KIAA1328: variants seen among roughly 807,000 people sequenced by gnomAD.
KIAA1328 encodes the protein protein hinderin.
In KIAA1328, 52 loss-of-function variants were observed where a neutral mutation model predicts 68.1. That is an observed-to-expected ratio of 0.76 (90% confidence interval 0.61 to 0.96). KIAA1328 has a LOEUF of 0.96. Ranked by LOEUF, KIAA1328 falls within the 40% of genes least tolerant of loss-of-function variation. KIAA1328 has a pLI of 0.00. For synonymous variants in KIAA1328, 232 were observed against 239.4 expected (o/e 0.97, Z 0.28); for missense variants, 641 against 677.6 (o/e 0.95, Z 0.60).
At chr18:36,852,749 G>A (rs1257441263) in intron 4 of KIAA1328, among the ~76,000 whole-genome samples, 1 of 152,024 alleles carries the variant, frequency 6.6e-6, no homozygotes, top group Non-Finnish European at 1.5e-5. Flanking sequence ...TAGTAATGAC[G>A]GTCTCAAGCA....
intron 7 of KIAA1328, among the ~76,000 whole-genome samples, chr18:37,102,133 G>A (rs2057637325): frequency 6.6e-6 from 1 of 152,070 alleles, no homozygotes; most frequent in Admixed American, 6.5e-5. Flanking sequence ...AAAACCAATA[G>A]CACATCATAA....
chr18:36,927,160 C>T (rs187696633), intron 5 of KIAA1328, among the ~76,000 whole-genome samples: 16 of 152,248 alleles, frequency 1.1e-4, no homozygotes, highest in Non-Finnish European at 1.9e-4. Context: ...GGACAAATAT[C>T]CAACCATATC....
At chr18:37,153,675 C>A (rs2154210412) in intron 7 of KIAA1328, among the ~76,000 whole-genome samples, 1 of 98,660 alleles carries the variant, frequency 1.0e-5, no homozygotes, top group South Asian at 3.6e-4. Flanking sequence ...CAGACCTTTT[C>A]AAAGAAATGG....
At chr18:37,171,955 A>G (rs2059508348) in intron 8 of KIAA1328, among the ~76,000 whole-genome samples, 1 of 152,170 alleles carries the variant, frequency 6.6e-6, no homozygotes, top group African/African-American at 2.4e-5. Flanking sequence ...CATAAAGAGT[A>G]TAGTTTTTGA....
chr18:36,957,846 T>C (rs1000631743), intron 5 of KIAA1328, among the ~76,000 whole-genome samples: 2 of 152,158 alleles, frequency 1.3e-5, no homozygotes, highest in African/African-American at 2.4e-5. Flanking sequence ...TTTTGAACTA[T>C]ATAATTAAAT....
intron 5 of KIAA1328, among the ~76,000 whole-genome samples, chr18:36,891,840 G>T (rs1290841619): frequency 6.6e-6 from 1 of 152,054 alleles, no homozygotes; most frequent in East Asian, 1.9e-4. Context: ...GGGATTGCTG[G>T]ATCAAATATT....
At position 37,224,592 on chromosome 18, in the gene KIAA1328, A is replaced by C; in HGVS notation, c.*2365A>C. On this transcript the variant is annotated 3_prime_UTR_variant, in exon 10 of 10. Coordinates refer to ENST00000280020, the MANE Select transcript of KIAA1328 (RefSeq NM_020776.3). ...CATGTTAACATTTTAATCTATTTAA[A>C]TTTACTTTGAAATATATACATACAT... 1 of 972,610 alleles carries C rather than the reference A, an allele frequency of 1.0e-6. No individual in the cohort carries two copies. The highest frequency in any genetic ancestry group is 1.2e-6 in the Non-Finnish European group (1 of 818,296). 60.2% of individuals were successfully genotyped at this position (972,610 alleles called of 1,614,324 possible).
chr18:37,103,279 A>G (rs933068580), intron 7 of KIAA1328, among the ~76,000 whole-genome samples: 1 of 152,212 alleles, frequency 6.6e-6, no homozygotes, highest in Non-Finnish European at 1.5e-5. Context: ...TAGTAACCAA[A>G]ACAGCATGGT....
At chr18:37,171,245 T>A (rs1346092659) in intron 8 of KIAA1328, among the ~76,000 whole-genome samples, 2 of 152,182 alleles carry the variant, frequency 1.3e-5, no homozygotes, top group East Asian at 3.8e-4. Context: ...AGATTCTTGC[T>A]CTGTTGCCCA....
intron 4 of KIAA1328, among the ~76,000 whole-genome samples, chr18:36,856,248 T>C (rs920254468): frequency 6.6e-6 from 1 of 152,124 alleles, no homozygotes; most frequent in African/African-American, 2.4e-5. Context: ...TTTTGGACAT[T>C]ATTTCTTCAG....
chr18:37,057,577 A>G (rs8082737), intron 6 of KIAA1328, among the ~76,000 whole-genome samples: 61,065 of 151,102 alleles, frequency 0.4, 14,161 homozygotes, highest in African/African-American at 0.64. Flanking sequence ...ACAGGTGCAC[A>G]CCACCACATC....
At chr18:36,972,356 GC>G (rs973115507) in intron 6 of KIAA1328, among the ~76,000 whole-genome samples, 51 of 152,114 alleles carry the variant, frequency 3.4e-4, no homozygotes, top group Non-Finnish European at 5.9e-5. Context: ...TTCTTTAGGT[GC>G]AGTGTTTTTT....
chr18:37,007,716 T>A (rs2053832921), intron 6 of KIAA1328, among the ~76,000 whole-genome samples: 1 of 152,134 alleles, frequency 6.6e-6, no homozygotes, highest in Admixed American at 6.6e-5. Context: ...CCAAAAGGCT[T>A]TTGGCTGCAA....
chr18:37,078,228 A>G (rs558307911), intron 7 of KIAA1328, among the ~76,000 whole-genome samples: 1 of 152,348 alleles, frequency 6.6e-6, no homozygotes, highest in African/African-American at 2.4e-5. Flanking sequence ...AGCAATGGGG[A>G]AAGGATTCCC....
At chr18:37,053,546 G>T (rs534663382) in intron 6 of KIAA1328, among the ~76,000 whole-genome samples, 1 of 152,110 alleles carries the variant, frequency 6.6e-6, no homozygotes, top group African/African-American at 2.4e-5. Flanking sequence ...AGAGTAAAAA[G>T]ACAGCCTTAA....
chr18:36,959,430 C>G lies in KIAA1328; in HGVS notation c.571C>G (p.Gln191Glu), dbSNP rs770162685. 2 of 1,608,540 alleles carry G rather than the reference C, an allele frequency of 1.2e-6. No individual in the cohort carries two copies. The highest frequency in any genetic ancestry group is 2.2e-5 in the South Asian group (2 of 89,340). Residue 191 changes from glutamine (Q) to glutamate (E), a missense_variant, in exon 6 of 10, where the codon CAG (glutamine) becomes GAG (glutamate). Gln to Glu is a conservative substitution (Grantham distance 29). Coordinates refer to ENST00000280020, the MANE Select transcript of KIAA1328 (RefSeq NM_020776.3). Reference sequence around the variant, plus strand: ...ACTTGGTGCTGCTAGAATGCAGGAACAGCAGGTAAGCATCTTTAATTTTAC... The same window carrying G: ...ACTTGGTGCTGCTAGAATGCAGGAAGAGCAGGTAAGCATCTTTAATTTTAC... ...SELGAARMQE[Q>E]QVSSRKSTLQ...
intron 7 of KIAA1328, among the ~76,000 whole-genome samples, chr18:37,110,396 A>G (rs903454153): frequency 6.6e-5 from 10 of 152,224 alleles, no homozygotes; most frequent in African/African-American, 2.4e-4. Context: ...TAAGACCTTT[A>G]TGTGCCTGTA....
chr18:36,838,782 TAGA>T (rs1430274666), intron 3 of KIAA1328, among the ~76,000 whole-genome samples: 1 of 152,166 alleles, frequency 6.6e-6, no homozygotes, highest in East Asian at 1.9e-4. Flanking sequence ...TCGCCCAGGC[TAGA>T]GTGCAGTGGC....
chr18:37,167,445 A>C (rs1435074227), intron 8 of KIAA1328, among the ~76,000 whole-genome samples: 4 of 151,974 alleles, frequency 2.6e-5, no homozygotes, highest in Non-Finnish European at 5.9e-5. Context: ...CAGCAGTTGG[A>C]TGGGGTGTCA....
Sources: gnomAD v4.1 joint callset for allele counts (sites outside exome capture counted in the v4.1 genomes callset) on GRCh38, gnomAD v4.1.1 for gene constraint, MANE v1.5 for transcripts, NCBI Gene and HGNC (gene_info 2026-07-23, HGNC 2026-07-21) for gene names.